MACROD2: variants seen among roughly 807,000 people sequenced by gnomAD.
The protein encoded by MACROD2 is ADP-ribose glycohydrolase MACROD2.
A neutral mutation model predicts 70.4 loss-of-function variants in MACROD2; 36 were observed. That is an observed-to-expected ratio of 0.51 (90% CI 0.39 to 0.68). The LOEUF is 0.68. Ranked by LOEUF, MACROD2 falls within the 30% of genes least tolerant of loss-of-function variation. The pLI, the probability that MACROD2 is intolerant of heterozygous loss-of-function variation, is 0.00. For synonymous variants in MACROD2, 172 were observed against 178.8 expected, an observed-to-expected ratio of 0.96 and a Z score of 0.30; for missense variants, 496 against 538.4, an observed-to-expected ratio of 0.92 and a Z score of 0.78.
At chr20:15,749,471 T>C (rs1439680260) in intron 8 of MACROD2, among the ~76,000 whole-genome samples, 1 of 152,114 alleles carries the variant, frequency 6.6e-6, no homozygotes, top group Non-Finnish European at 1.5e-5. Context: ...AGTGGGTGTT[T>C]AATGGATATG....
intron 3 of MACROD2, chr20:14,128,101 G>A: frequency 1.8e-6 from 1 of 547,344 alleles, no homozygotes; most frequent in Non-Finnish European, 3.6e-6. Context: ...GTGGTCATGT[G>A]TGCTTGTTCA....
intron 3 of MACROD2, among the ~76,000 whole-genome samples, chr20:14,240,544 A>G (rs893428175): frequency 1.3e-5 from 2 of 152,184 alleles, no homozygotes; most frequent in African/African-American, 4.8e-5. Context: ...TTGCAGCAAT[A>G]TGGATGGAGC....
At chr20:15,227,070 T>G (rs1406547024) in intron 5 of MACROD2, among the ~76,000 whole-genome samples, 2 of 152,190 alleles carry the variant, frequency 1.3e-5, no homozygotes, top group Non-Finnish European at 2.9e-5. Flanking sequence ...GGTCATCATG[T>G]TGGTCGATAA....
At chr20:14,415,132 A>G (rs571507867) in intron 3 of MACROD2, among the ~76,000 whole-genome samples, 32 of 152,324 alleles carry the variant, frequency 2.1e-4, no homozygotes, top group African/African-American at 7.5e-4. Flanking sequence ...GAAGGAATCA[A>G]TGAATGCTTA....
chr20:15,172,326 G>A (rs968318246), intron 5 of MACROD2, among the ~76,000 whole-genome samples: 1 of 151,844 alleles, frequency 6.6e-6, no homozygotes, highest in African/African-American at 2.4e-5. Context: ...GACAAAACAA[G>A]TTGGGGAAGG....
intron 12 of MACROD2, 66 bp downstream of exon 12, chr20:15,937,610 C>G (rs1423216484): frequency 6.8e-7 from 1 of 1,471,866 alleles, no homozygotes; most frequent in Non-Finnish European, 9.5e-7. Context: ...GGCTTGTTTA[C>G]ATGGAAAAAT....
intron 4 of MACROD2, among the ~76,000 whole-genome samples, chr20:14,626,045 C>A (rs1984133292): frequency 6.6e-6 from 1 of 152,092 alleles, no homozygotes; most frequent in Non-Finnish European, 1.5e-5. Flanking sequence ...AGGCTGGTCT[C>A]AAACTTGTGA....
intron 7 of MACROD2, among the ~76,000 whole-genome samples, chr20:15,460,977 C>CATATATATATATATATATATATAT (rs1157335873): frequency 1.4e-4 from 10 of 69,744 alleles, no homozygotes; most frequent in Admixed American, 1.8e-4. Context: ...TCTCTCTCTC[C>CATATATATATATATATATATATAT]ATATATATAT....
chr20:14,956,657 G>T (rs962110546), intron 5 of MACROD2, among the ~76,000 whole-genome samples: 1 of 152,160 alleles, frequency 6.6e-6, no homozygotes, highest in African/African-American at 2.4e-5. Context: ...ATTATCGATT[G>T]TAGGTCAGAC....
chr20:14,621,487 C>A (rs1258000327), intron 4 of MACROD2, among the ~76,000 whole-genome samples: 1 of 152,128 alleles, frequency 6.6e-6, no homozygotes, highest in African/African-American at 2.4e-5. Context: ...TCAATCAATT[C>A]TTTAAAACCT....
At position 15,535,114 on chromosome 20, in the gene MACROD2, A is replaced by T. The variant is rs143010897; in HGVS notation, c.645+35267A>T. Among the ~76,000 whole-genome samples the T allele has an allele frequency of 3.6e-3, 541 of 152,230 alleles. 3 individuals carry two copies. The highest frequency in any genetic ancestry group is 0.012 in the African/African-American group (512 of 41,528). ...TCTCAGCCTACCAAGTAACTGGGAC[A>T]ACAGGCAGGTGCCACTGTGCTCAGC... On this transcript the variant is annotated intron_variant, in intron 8 of 17. Coordinates refer to ENST00000684519, the MANE Select transcript of MACROD2 (RefSeq NM_001351661.2).
At position 14,562,597 on chromosome 20, in the gene MACROD2, T is replaced by C. The variant is rs187409622; in HGVS notation, c.301+69089T>C. Among the ~76,000 whole-genome samples the C allele has an allele frequency of 8.1e-4, 123 of 151,974 alleles. 2 individuals are homozygous for C. Among genetic ancestry groups the C allele is most frequent in the African/African-American group, 2.9e-3 (120 of 41,524 alleles). On this transcript the variant is annotated intron_variant, in intron 4 of 17. Coordinates refer to ENST00000684519, the MANE Select transcript of MACROD2 (RefSeq NM_001351661.2). ...GAGGCCTATATGCTCCAACCCTGGG[T>C]CATCTTTCTACTGTTTGAAATTGGT...
intron 5 of MACROD2, among the ~76,000 whole-genome samples, chr20:15,118,193 T>A (rs1342635856): frequency 5.8e-5 from 3 of 51,492 alleles, no homozygotes; most frequent in African/African-American, 1.2e-4. Context: ...TTTTTAATTT[T>A]AAATTTTTTT....
At chr20:14,855,563 G>T (rs2073244873) in intron 5 of MACROD2, among the ~76,000 whole-genome samples, 1 of 142,716 alleles carries the variant, frequency 7.0e-6, no homozygotes, top group African/African-American at 2.6e-5. Context: ...TAAGTCAATT[G>T]GGGAAGAATT....
At chr20:14,318,991 G>C (rs1430273480) in intron 3 of MACROD2, among the ~76,000 whole-genome samples, 1 of 152,190 alleles carries the variant, frequency 6.6e-6, no homozygotes, top group Non-Finnish European at 1.5e-5. Flanking sequence ...TTTGATTAAA[G>C]TAGGGTAGGG....
At chr20:14,798,174 T>C (rs147933642) in intron 5 of MACROD2, among the ~76,000 whole-genome samples, 12 of 152,064 alleles carry the variant, frequency 7.9e-5, no homozygotes, top group African/African-American at 2.9e-4. Context: ...TAGCTAGCAT[T>C]AGTAGCTTGC....
Position 15,798,637 on chromosome 20 carries a change from G to C in MACROD2, c.646-64108G>C, listed in dbSNP as rs148550763. 3.9e-3 allele frequency among the ~76,000 whole-genome samples: 594 copies of C among 152,302 alleles called. 3 individuals are homozygous for C. The highest frequency in any genetic ancestry group is 0.014 in the Middle Eastern group (4 of 294). The stretch of plus-strand genomic sequence containing the variant: ...GGTCACATTATAGAAGGGTATGTAT[G>C]ATGGGAGATATTTTTTGTAGCTACC... On this transcript the variant is annotated intron_variant, in intron 8 of 17. Transcript: ENST00000684519.
chr20:14,131,705 G>A (rs904341876), intron 3 of MACROD2, among the ~76,000 whole-genome samples: 6 of 152,114 alleles, frequency 3.9e-5, no homozygotes, highest in Non-Finnish European at 7.4e-5. Context: ...ATAATGGTGT[G>A]TTTCATGTCC....
At chr20:14,228,084 GA>G (rs2081759904) in intron 3 of MACROD2, among the ~76,000 whole-genome samples, 1 of 151,862 alleles carries the variant, frequency 6.6e-6, no homozygotes, top group South Asian at 2.1e-4. Context: ...TTGTTTTTAA[GA>G]AATAAACTGA....
Sources: gnomAD v4.1 joint callset for allele counts (sites outside exome capture counted in the v4.1 genomes callset) on GRCh38, gnomAD v4.1.1 for gene constraint, MANE v1.5 for transcripts, NCBI Gene and HGNC (gene_info 2026-07-23, HGNC 2026-07-21) for gene names.